Variants in MDGA2 observed in about 807,000 individuals in gnomAD.
The protein encoded by MDGA2 is MAM domain-containing glycosylphosphatidylinositol anchor protein 2.
A neutral mutation model predicts 117.8 loss-of-function variants in MDGA2; 40 were observed. That is an observed-to-expected ratio of 0.34 (90% CI 0.26 to 0.44). The LOEUF (loss-of-function observed/expected upper bound fraction) is 0.44. MDGA2 is among the 20% of genes least tolerant of loss of function. The pLI is 1.00. For synonymous variants in MDGA2, 452 were observed against 439.0 expected (o/e 1.03, Z -0.37); for missense variants, 1,123 against 1,250.6 (o/e 0.90, Z 1.54).
chr14:47,149,142 T>C (rs1239277937), intron 3 of MDGA2, among the ~76,000 whole-genome samples: 12 of 151,944 alleles, frequency 7.9e-5, no homozygotes, highest in Non-Finnish European at 7.4e-5. Flanking sequence ...ATACAAAAAT[T>C]AGCCAGGCAT....
chr14:47,056,889 GT>G (rs145366368), intron 7 of MDGA2, among the ~76,000 whole-genome samples: 4 of 151,910 alleles, frequency 2.6e-5, no homozygotes, highest in Admixed American at 6.6e-5. Flanking sequence ...AGTATGTGAA[GT>G]TTTTTTATTT....
chr14:46,931,396 C>A (rs2138549089), intron 9 of MDGA2, among the ~76,000 whole-genome samples: 1 of 151,820 alleles, frequency 6.6e-6, no homozygotes, highest in South Asian at 2.1e-4. Context: ...AAATATCTCC[C>A]CTGAATAAAG....
chr14:47,548,477 C>T (rs562498035), intron 1 of MDGA2, among the ~76,000 whole-genome samples: 1 of 152,080 alleles, frequency 6.6e-6, no homozygotes, highest in Admixed American at 6.5e-5. Context: ...TCCAGAAAGT[C>T]TATATACTTT....
intron 1 of MDGA2, among the ~76,000 whole-genome samples, chr14:47,505,173 AAC>A (rs1170032366): frequency 6.6e-6 from 1 of 151,566 alleles, no homozygotes; most frequent in African/African-American, 2.4e-5. Flanking sequence ...ACATCACAGA[AAC>A]AGAGAGTAGA....
chr14:47,228,141 C>A (rs554635306), intron 2 of MDGA2, among the ~76,000 whole-genome samples: 3 of 152,092 alleles, frequency 2.0e-5, no homozygotes, highest in African/African-American at 4.8e-5. Flanking sequence ...AATAAAAACA[C>A]AACATACTAG....
chr14:47,534,324 A>T (rs556170349), intron 1 of MDGA2, among the ~76,000 whole-genome samples: 1 of 152,212 alleles, frequency 6.6e-6, no homozygotes, highest in African/African-American at 2.4e-5. Flanking sequence ...CTTTAGATTC[A>T]ATAGCTTTGG....
chr14:46,950,242 TA>T (rs1885322827), intron 9 of MDGA2, among the ~76,000 whole-genome samples: 1 of 151,892 alleles, frequency 6.6e-6, no homozygotes, highest in African/African-American at 2.4e-5. Flanking sequence ...TGGATTCCCC[TA>T]TATTTTATCT....
Position 46,841,780 on chromosome 14 carries a change from T to C in MDGA2, c.*151A>G, listed in dbSNP as rs11844549. The C allele has an allele frequency of 0.44, 223,262 of 513,238 alleles. 52,024 individuals carry two copies. Among genetic ancestry groups the C allele is most frequent in the Non-Finnish European group, 0.48 (136,846 of 285,486 alleles). 31.8% of individuals were successfully genotyped at this position (513,238 alleles called of 1,614,324 possible). A position where few individuals can be genotyped will look rare whatever the true frequency, so the allele number is the denominator to read the frequency against. ...TTCCATGATGTCTTTTTATCCCCAG[T>C]GCTTAAAAAAATTTGTTTTTATTAT... On this transcript the variant is annotated 3_prime_UTR_variant, in exon 17 of 17. Transcript: ENST00000399232.
chr14:47,540,540 G>GTGTGTATGTGTATATATATA, intron 1 of MDGA2, among the ~76,000 whole-genome samples: 2 of 79,188 alleles, frequency 2.5e-5, no homozygotes, highest in East Asian at 9.7e-4. Flanking sequence ...GTGTGTGTGT[G>GTGTGTATGTGTATATATATA]TATATATATA....
intron 1 of MDGA2, among the ~76,000 whole-genome samples, chr14:47,461,070 T>C (rs906718986): frequency 3.9e-5 from 6 of 152,208 alleles, no homozygotes; most frequent in African/African-American, 1.2e-4. Flanking sequence ...TGTACAAGTG[T>C]AAAACTGCTT....
intron 5 of MDGA2, among the ~76,000 whole-genome samples, chr14:47,114,414 G>GA (rs1428686023): frequency 6.6e-6 from 1 of 151,718 alleles, no homozygotes; most frequent in East Asian, 1.9e-4. Context: ...CCAGAATTAG[G>GA]AAAAAACTAC....
At chr14:47,382,797 G>A (rs570930312) in intron 1 of MDGA2, among the ~76,000 whole-genome samples, 114 of 152,246 alleles carry the variant, frequency 7.5e-4, no homozygotes, top group African/African-American at 2.6e-3. Context: ...ACAGTGTGGC[G>A]ATTCCTCAAG....
intron 15 of MDGA2, among the ~76,000 whole-genome samples, chr14:46,847,241 TAGC>T (rs1209332397): frequency 6.6e-6 from 1 of 152,078 alleles, no homozygotes; most frequent in African/African-American, 2.4e-5. Flanking sequence ...CATGATTTGA[TAGC>T]AGAGAAAAAT....
chr14:47,381,123 C>CTAT (rs1234173440), intron 1 of MDGA2, among the ~76,000 whole-genome samples: 15 of 152,286 alleles, frequency 9.8e-5, no homozygotes, highest in Admixed American at 3.3e-4. Context: ...ATGATTATCT[C>CTAT]AATAGATGCA....
intron 8 of MDGA2, among the ~76,000 whole-genome samples, chr14:46,989,284 A>G (rs1211010196): frequency 6.6e-6 from 1 of 151,846 alleles, no homozygotes; most frequent in African/African-American, 2.4e-5. Context: ...GGAAAATGGA[A>G]CTCCCCCCAC....
intron 1 of MDGA2, among the ~76,000 whole-genome samples, chr14:47,574,485 C>T (rs1337610358): frequency 1.3e-5 from 2 of 152,116 alleles, no homozygotes; most frequent in African/African-American, 4.8e-5. Flanking sequence ...GGACTAAATA[C>T]AATTTTCAAA....
rs368950234 is a variant in MDGA2, at chr14:47,061,375, C to T, written c.1399G>A (p.Gly467Arg). ...ITQTDPDVSP[G>R]TTNLDIIDLK... The stretch of plus-strand genomic sequence containing the variant: ...TCAATGATGTCCAAGTTTGTTGTTC[C>T]CGGAGAGACATCAGGATCAGTCTGT... Residue 467 changes from glycine (G) to arginine (R), a missense_variant, in exon 7 of 17, where the codon GGA becomes AGA. This residue lies in a region of MDGA2 where 890 missense variants were observed against 1,050.3 expected (regional missense o/e 0.85). Transcript: ENST00000399232. 7.4e-6 allele frequency: 12 copies of T among 1,613,594 alleles called. No homozygotes were observed. Among genetic ancestry groups the T allele is most frequent in the African/African-American group, 6.7e-5 (5 of 74,986 alleles).
At chr14:47,058,024 A>G (rs1889748220) in intron 7 of MDGA2, among the ~76,000 whole-genome samples, 1 of 152,196 alleles carries the variant, frequency 6.6e-6, no homozygotes, top group African/African-American at 2.4e-5. Flanking sequence ...TTTAAAAGTC[A>G]TCAAAAACAT....
chr14:47,459,589 T>C (rs1314840511), intron 1 of MDGA2, among the ~76,000 whole-genome samples: 1 of 151,900 alleles, frequency 6.6e-6, no homozygotes, highest in Non-Finnish European at 1.5e-5. Flanking sequence ...TCCTGTTTTA[T>C]TTCTTTTCTG....
Sources: gnomAD v4.1 joint callset for allele counts (sites outside exome capture counted in the v4.1 genomes callset) on GRCh38, gnomAD v4.1.1 for gene constraint, gnomAD v4.1.1 regional missense constraint, MANE v1.5 for transcripts, NCBI Gene and HGNC (gene_info 2026-07-23, HGNC 2026-07-21) for gene names.